Variants in LDLRAD4 observed in about 807,000 individuals in gnomAD.
LDLRAD4 encodes the protein low-density lipoprotein receptor class A domain-containing protein 4.
Under a neutral mutation model 17.0 loss-of-function variants are expected in LDLRAD4, and 5 were observed. The ratio of observed to expected loss-of-function variants is 0.29; its 90% CI spans 0.15 to 0.62. LDLRAD4 has a LOEUF of 0.62. LDLRAD4 is among the 20% of genes least tolerant of loss of function. The pLI is 0.84. For missense variants in LDLRAD4, 340 were observed against 424.7 expected (o/e 0.80, Z 1.75); for synonymous variants, 168 against 171.8 (o/e 0.98, Z 0.17).
intron 1 of LDLRAD4, among the ~76,000 whole-genome samples, chr18:13,264,115 A>C (rs1003814851): frequency 4.6e-5 from 7 of 152,250 alleles, no homozygotes; most frequent in Non-Finnish European, 8.8e-5. Flanking sequence ...ATTGGGCCCC[A>C]CCTGTCCCTT....
intron 1 of LDLRAD4, among the ~76,000 whole-genome samples, chr18:13,350,053 T>A (rs1312414474): frequency 6.6e-6 from 1 of 152,220 alleles, no homozygotes; most frequent in Non-Finnish European, 1.5e-5. Context: ...TTTGGGTTGG[T>A]TCCATGTCTT....
chr18:13,611,405 C>T, intron 3 of LDLRAD4: 1 of 965,760 alleles, frequency 1.0e-6, no homozygotes, highest in Non-Finnish European at 1.2e-6. Context: ...CCACCACGGC[C>T]ACCCCGTGAT....
chr18:13,474,984 G>A (rs988029458), intron 3 of LDLRAD4, among the ~76,000 whole-genome samples: 14 of 152,302 alleles, frequency 9.2e-5, no homozygotes, highest in Non-Finnish European at 1.9e-4. Flanking sequence ...GGGCTCCCAG[G>A]AGCCACAGTT....
intron 1 of LDLRAD4, among the ~76,000 whole-genome samples, chr18:13,226,602 C>A (rs996011816): frequency 6.6e-6 from 1 of 151,812 alleles, no homozygotes; most frequent in Non-Finnish European, 1.5e-5. Context: ...TCTGGCTTAT[C>A]GATGAAAAGA....
At chr18:13,337,915 G>C (rs1283618423) in intron 1 of LDLRAD4, among the ~76,000 whole-genome samples, 2 of 152,134 alleles carry the variant, frequency 1.3e-5, no homozygotes, top group Non-Finnish European at 2.9e-5. Context: ...CAGTGTTGGA[G>C]ATACAGTCAC....
rs575574607 is a variant in LDLRAD4 at position 13,580,741 on chromosome 18, T to C, written c.182-40376T>C. Among the ~76,000 whole-genome samples, 9 of 152,288 alleles carry C rather than the reference T, an allele frequency of 5.9e-5. No homozygotes were observed. The South Asian group carries it at 1.5e-3, about 25-fold the overall frequency. On this transcript the variant is annotated intron_variant, in intron 3 of 5. Transcript: ENST00000359446. ...AGAGGCAGGGCTCCAGACTTCTTAA[T>C]AGCCACAGGTCTAGGAATCTGCATT...
In LDLRAD4 at chr18:13,495,848, A is replaced by C. The variant is rs534778164; in HGVS notation, c.181+57464A>C. Among the ~76,000 whole-genome samples the C allele has an allele frequency of 1.3e-4, 20 of 152,288 alleles. No homozygotes were observed. In the South Asian group the frequency reaches 1.9e-3, roughly 14 times the overall value. ...AACGTCACCAGCACTGCCACTGCGC[A>C]GTGTTCAGAGAGCGCGAAGACCTCC... On this transcript the variant is annotated intron_variant, in intron 3 of 5. Coordinates refer to ENST00000359446, the Ensembl canonical transcript of LDLRAD4.
At chr18:13,420,460 T>C (rs1285941230) in intron 2 of LDLRAD4, 1 of 152,262 alleles carries the variant, frequency 6.6e-6, no homozygotes, top group Admixed American at 6.5e-5. Context: ...ACAGCCCCTG[T>C]CTAGCCCTGT....
At chr18:13,371,267 A>G (rs557668223) in intron 1 of LDLRAD4, among the ~76,000 whole-genome samples, 3 of 152,268 alleles carry the variant, frequency 2.0e-5, no homozygotes, top group African/African-American at 4.8e-5. Context: ...GGGCTGGGAA[A>G]TGCTGTGGGT....
intron 3 of LDLRAD4, among the ~76,000 whole-genome samples, chr18:13,604,303 G>A (rs1024908144): frequency 2.6e-5 from 4 of 152,258 alleles, no homozygotes; most frequent in Non-Finnish European, 5.9e-5. Flanking sequence ...AGAGATGACA[G>A]TATGTGCCGC....
At chr18:13,618,172 G>A (rs1304424705) in intron 3 of LDLRAD4, among the ~76,000 whole-genome samples, 2 of 152,202 alleles carry the variant, frequency 1.3e-5, no homozygotes, top group African/African-American at 4.8e-5. Flanking sequence ...TGTTTAAAGA[G>A]GTCTGTGATG....
chr18:13,324,166 C>T (rs1303733338), intron 1 of LDLRAD4, among the ~76,000 whole-genome samples: 7 of 149,946 alleles, frequency 4.7e-5, no homozygotes, highest in African/African-American at 1.5e-4. Flanking sequence ...GAGACGGAGT[C>T]TCGCTCTGTC....
intron 3 of LDLRAD4, among the ~76,000 whole-genome samples, chr18:13,506,948 G>A (rs73954834): frequency 0.012 from 1,884 of 152,254 alleles, 50 homozygotes; most frequent in African/African-American, 0.043. Context: ...GGAGTACCTC[G>A]CTTTACTGTG....
At chr18:13,230,400 A>G (rs2042012874) in intron 1 of LDLRAD4, among the ~76,000 whole-genome samples, 1 of 152,152 alleles carries the variant, frequency 6.6e-6, no homozygotes, top group Non-Finnish European at 1.5e-5. Flanking sequence ...AGAGTAATCT[A>G]GTGGGTTGCA....
chr18:13,444,520 C>T (rs904458852), intron 3 of LDLRAD4, among the ~76,000 whole-genome samples: 7 of 152,274 alleles, frequency 4.6e-5, no homozygotes, highest in African/African-American at 9.6e-5. Context: ...GTTAAGTTTT[C>T]GGGGAGTTGA....
intron 1 of LDLRAD4, among the ~76,000 whole-genome samples, chr18:13,303,309 C>G (rs1017299964): frequency 6.6e-6 from 1 of 152,170 alleles, no homozygotes; most frequent in African/African-American, 2.4e-5. Flanking sequence ...TGCAGTGGTA[C>G]GATCATAGCT....
chr18:13,554,875 A>C (rs2094468852), intron 3 of LDLRAD4, among the ~76,000 whole-genome samples: 1 of 152,120 alleles, frequency 6.6e-6, no homozygotes, highest in Admixed American at 6.5e-5. Flanking sequence ...GCATGAAAGG[A>C]GGAAAGAGCA....
chr18:13,314,029 T>G (rs904824255), intron 1 of LDLRAD4, among the ~76,000 whole-genome samples: 2 of 152,220 alleles, frequency 1.3e-5, no homozygotes, highest in Non-Finnish European at 2.9e-5. Context: ...GCACATGCCT[T>G]ACTGATACTG....
intron 3 of LDLRAD4, among the ~76,000 whole-genome samples, chr18:13,545,583 C>CTCTGGTTAA (rs1310085829): frequency 6.6e-6 from 1 of 152,108 alleles, no homozygotes; most frequent in African/African-American, 2.4e-5. Context: ...CCAGCAGTAG[C>CTCTGGTTAA]TCTGGTTACT....
Sources: allele counts gnomAD v4.1 joint callset (sites outside exome capture counted in the v4.1 genomes callset), GRCh38; gene constraint gnomAD v4.1.1; transcripts MANE v1.5; gene names NCBI Gene and HGNC (gene_info 2026-07-23, HGNC 2026-07-21).